MYZAP: variants seen among roughly 807,000 people sequenced by gnomAD.
MYZAP encodes the protein myocardial zonula adherens protein.
MYZAP carries 66 observed loss-of-function variants against 69.4 expected under a neutral mutation model. The ratio of observed to expected loss-of-function variants is 0.95; its 90% CI spans 0.78 to 1.17. The LOEUF is 1.17. Ranked by LOEUF, MYZAP falls within the 50% of genes most tolerant of loss-of-function variation. The pLI, the probability that MYZAP is intolerant of heterozygous loss-of-function variation, is 0.00. For synonymous variants in MYZAP, 256 were observed against 205.9 expected, an observed-to-expected ratio of 1.24 and a Z score of -2.09; for missense variants, 611 against 556.2, an observed-to-expected ratio of 1.10 and a Z score of -0.99.
intron 11 of MYZAP, among the ~76,000 whole-genome samples, chr15:57,663,571 A>C (rs528682725): frequency 3.3e-5 from 5 of 152,264 alleles, no homozygotes; most frequent in Non-Finnish European, 4.4e-5. Flanking sequence ...AGCTTTCCTT[A>C]CTGAAAGGCC....
In MYZAP at chr15:57,641,385, C is replaced by T. The variant is rs892418716; in HGVS notation, c.1119+1840C>T. On this transcript the variant is annotated intron_variant, in intron 10 of 12. Coordinates refer to ENST00000267853, the MANE Select transcript of MYZAP (RefSeq NM_001018100.5). ...ATACGTACACACATATACATATGTG[C>T]ATATGTATATGTGTATTTATACATG... Among the ~76,000 whole-genome samples the T allele has an allele frequency of 6.6e-5, 10 of 152,172 alleles. No homozygotes were observed. The South Asian group carries it at 2.1e-3, about 32-fold the overall frequency.
At position 57,676,734 on chromosome 15, in the gene MYZAP, A is replaced by G. The variant is rs78953201; in HGVS notation, c.1304+1666A>G. Among the ~76,000 whole-genome samples the G allele has an allele frequency of 7.5e-3, 1,141 of 152,242 alleles. 10 individuals are homozygous for G. Among genetic ancestry groups the G allele is most frequent in the South Asian group, 0.049 (238 of 4,828 alleles). ...TTTCTAATTCCCGCATTTTGGCTTA[A>G]AACAAGCTTTTCAATTTGTATGCCC... On this transcript the variant is annotated intron_variant, in intron 12 of 12. Transcript: ENST00000267853.
intron 8 of MYZAP, among the ~76,000 whole-genome samples, chr15:57,634,321 A>G (rs1336350263): frequency 1.3e-5 from 2 of 152,100 alleles, no homozygotes; most frequent in African/African-American, 4.8e-5. Context: ...AAAGAGGAAA[A>G]GAAGGAAGAG....
At chr15:57,610,834 G>T (rs1426102704) in intron 2 of MYZAP, among the ~76,000 whole-genome samples, 3 of 152,022 alleles carry the variant, frequency 2.0e-5, no homozygotes, top group Non-Finnish European at 2.9e-5. Context: ...AAAACCCACT[G>T]GACTATACAA....
chr15:57,644,925 C>T (rs2037364697), intron 10 of MYZAP, among the ~76,000 whole-genome samples: 1 of 152,206 alleles, frequency 6.6e-6, no homozygotes, highest in Non-Finnish European at 1.5e-5. Context: ...ATCCAATCCA[C>T]CTAAGTCCTT....
chr15:57,681,288 T>A (rs2039426658), intron 12 of MYZAP, among the ~76,000 whole-genome samples: 1 of 152,216 alleles, frequency 6.6e-6, no homozygotes, highest in Non-Finnish European at 1.5e-5. Context: ...GATTGCTCTC[T>A]GTGGCAGGTG....
intron 11 of MYZAP, 98 bp downstream of exon 11, chr15:57,661,631 C>T: frequency 9.3e-7 from 1 of 1,072,628 alleles, no homozygotes; most frequent in Non-Finnish European, 1.3e-6. Flanking sequence ...ATGGCTATTT[C>T]CCGGCCTTAT....
intron 1 of MYZAP, chr15:57,599,586 C>A: frequency 7.8e-7 from 1 of 1,287,844 alleles, no homozygotes; most frequent in Non-Finnish European, 1.0e-6. Flanking sequence ...CTTTGGGAAC[C>A]CCTGGGAATA....
intron 4 of MYZAP, among the ~76,000 whole-genome samples, chr15:57,623,245 A>T (rs537547335): frequency 6.6e-6 from 1 of 152,206 alleles, no homozygotes; most frequent in Non-Finnish European, 1.5e-5. Context: ...GCAATTTGCT[A>T]TTACTCTTAC....
At position 57,646,149 on chromosome 15, in the gene MYZAP, G is replaced by A. The variant is rs567170317; in HGVS notation, c.1119+6604G>A. On this transcript the variant is annotated intron_variant, in intron 10 of 12. Coordinates refer to ENST00000267853, the MANE Select transcript of MYZAP (RefSeq NM_001018100.5). ...GAACTGTCTCCAGATCATGTCGCACGAGCTCTTCTCCAGATTTAGTCTCCG... is the reference window on the plus strand; with the variant it reads ...GAACTGTCTCCAGATCATGTCGCACAAGCTCTTCTCCAGATTTAGTCTCCG... 5 of 1,289,312 alleles carry A rather than the reference G, an allele frequency of 3.9e-6. No individual in the cohort carries two copies. In the African/African-American group the frequency reaches 4.5e-5, roughly 12 times the overall value. 79.9% of individuals were successfully genotyped at this position (1,289,312 alleles called of 1,614,324 possible).
intron 11 of MYZAP, 33 bp from the exon 12 acceptor site, chr15:57,674,935 C>T (rs755492569): frequency 6.3e-7 from 1 of 1,580,028 alleles, no homozygotes; most frequent in Non-Finnish European, 8.6e-7. Flanking sequence ...ACATATTTGA[C>T]TTACTGAAAG....
At chr15:57,635,293 C>T (rs554219776) in intron 8 of MYZAP, among the ~76,000 whole-genome samples, 157 of 152,286 alleles carry the variant, frequency 1.0e-3, no homozygotes, top group African/African-American at 3.5e-3. Flanking sequence ...CATGGTTCCT[C>T]GTATATAGTA....
At chr15:57,604,784 G>T (rs2140336740) in intron 2 of MYZAP, among the ~76,000 whole-genome samples, 1 of 152,378 alleles carries the variant, frequency 6.6e-6, no homozygotes, top group South Asian at 2.1e-4. Flanking sequence ...GGAAAGGCTG[G>T]CAGGCAGGCT....
chr15:57,655,384 C>T (rs1279626888), intron 10 of MYZAP, among the ~76,000 whole-genome samples: 2 of 152,110 alleles, frequency 1.3e-5, no homozygotes, highest in African/African-American at 4.8e-5. Flanking sequence ...AAATAGGGAG[C>T]ACAGCGGAAG....
chr15:57,616,496 G>C (rs2035454894), intron 2 of MYZAP, among the ~76,000 whole-genome samples: 1 of 152,104 alleles, frequency 6.6e-6, no homozygotes, highest in South Asian at 2.1e-4. Context: ...AAATTAGTTG[G>C]GCGTGGTGGC....
At chr15:57,671,062 CTGA>C (rs1447114540) in intron 11 of MYZAP, among the ~76,000 whole-genome samples, 2 of 152,234 alleles carry the variant, frequency 1.3e-5, no homozygotes, top group East Asian at 3.9e-4. Context: ...GAGTTTCTCT[CTGA>C]TGTCATCTCG....
intron 11 of MYZAP, among the ~76,000 whole-genome samples, chr15:57,665,331 T>A (rs1271189839): frequency 6.6e-6 from 1 of 152,276 alleles, no homozygotes; most frequent in Non-Finnish European, 1.5e-5. Flanking sequence ...TTGGCCCCGA[T>A]ATTTGCAGAA....
rs2036543336 is a variant in MYZAP at position 57,632,149 on chromosome 15, C to G, written c.679-285C>G. ...TTGGCCAATGCAACTGATGAGATTG[C>G]GTAGAGAAATAAGTTTCTACCTTTT... On this transcript the variant is annotated intron_variant, in intron 6 of 12. Coordinates refer to ENST00000267853, the MANE Select transcript of MYZAP (RefSeq NM_001018100.5). Among the ~76,000 whole-genome samples the G allele has an allele frequency of 4.6e-5, 7 of 152,200 alleles. 1 individual carries two copies. The South Asian group carries it at 1.5e-3, about 32-fold the overall frequency.
In MYZAP at chr15:57,636,192, G is replaced by A. The variant is rs181915480; in HGVS notation, c.934-1503G>A. On this transcript the variant is annotated intron_variant, in intron 8 of 12. Coordinates refer to ENST00000267853, the MANE Select transcript of MYZAP (RefSeq NM_001018100.5). ...TTCACTTGTGAAAGCTTTTATCACT[G>A]TTATTTCGGGGCTAATGTAAAACTT... Among the ~76,000 whole-genome samples, 4 of 151,078 alleles carry A rather than the reference G, an allele frequency of 2.6e-5. No individual in the cohort carries two copies. In the East Asian group the frequency reaches 7.8e-4, roughly 29 times the overall value.
Sources: gnomAD v4.1 joint callset for allele counts (sites outside exome capture counted in the v4.1 genomes callset) on GRCh38, gnomAD v4.1.1 for gene constraint, MANE v1.5 for transcripts, NCBI Gene and HGNC (gene_info 2026-07-23, HGNC 2026-07-21) for gene names.